PCDHA12: variants seen among roughly 807,000 people sequenced by gnomAD.
The protein encoded by PCDHA12 is protocadherin alpha 12.
PCDHA12 carries 44 observed loss-of-function variants against 60.0 expected under a neutral mutation model. The ratio of observed to expected loss-of-function variants is 0.73; its 90% confidence interval spans 0.58 to 0.94. PCDHA12 has a LOEUF of 0.94. Ranked by LOEUF, PCDHA12 falls within the 40% of genes least tolerant of loss-of-function variation. PCDHA12 has a pLI of 0.00. For missense variants in PCDHA12, 1,276 were observed against 1,239.7 expected, an observed-to-expected ratio of 1.03 and a Z score of -0.44; for synonymous variants, 569 against 553.0, an observed-to-expected ratio of 1.03 and a Z score of -0.40.
intron 1 of PCDHA12, among the ~76,000 whole-genome samples, chr5:140,905,536 T>A (rs1562950103): frequency 6.6e-6 from 1 of 152,286 alleles, no homozygotes; most frequent in East Asian, 1.9e-4. Flanking sequence ...TGGTTCCATA[T>A]GAACTTTAGG....
At chr5:140,953,258 T>C (rs1042358653) in intron 1 of PCDHA12, among the ~76,000 whole-genome samples, 22 of 152,304 alleles carry the variant, frequency 1.4e-4, no homozygotes, top group African/African-American at 5.3e-4. Context: ...TTAGTTCTTT[T>C]AGCTTTAGCC....
At chr5:140,940,245 T>A (rs1262681154) in intron 1 of PCDHA12, among the ~76,000 whole-genome samples, 1 of 152,210 alleles carries the variant, frequency 6.6e-6, no homozygotes, top group Non-Finnish European at 1.5e-5. Flanking sequence ...TAAAGTTACC[T>A]CCTCAATATC....
At chr5:140,950,706 G>A (rs72802969) in intron 1 of PCDHA12, among the ~76,000 whole-genome samples, 841 of 152,058 alleles carry the variant, frequency 5.5e-3, no homozygotes, top group Middle Eastern at 0.017. Flanking sequence ...ACAAATTTTT[G>A]TTCCTTATAT....
At chr5:140,928,115 T>A (rs2084949063) in intron 1 of PCDHA12, 1 of 1,614,164 alleles carries the variant, frequency 6.2e-7, no homozygotes, top group East Asian at 2.2e-5. Flanking sequence ...CGGGAGCAGA[T>A]CAGTGAATAC....
intron 1 of PCDHA12, among the ~76,000 whole-genome samples, chr5:140,975,052 T>C (rs2096651440): frequency 6.6e-6 from 1 of 152,206 alleles, no homozygotes; most frequent in South Asian, 2.1e-4. Context: ...AGGAAGAATC[T>C]ACTATCGAGC....
At chr5:140,970,854 T>TG (rs1554232785) in intron 1 of PCDHA12, among the ~76,000 whole-genome samples, 1 of 152,148 alleles carries the variant, frequency 6.6e-6, no homozygotes, top group Non-Finnish European at 1.5e-5. Context: ...GCACAAAAGT[T>TG]CCATTCCTGA....
chr5:140,928,216 A>T, intron 1 of PCDHA12: 1 of 1,614,188 alleles, frequency 6.2e-7, no homozygotes, highest in Non-Finnish European at 8.5e-7. Context: ...GAATGACAAT[A>T]CACCAAACTT....
At chr5:140,913,610 A>C (rs1271705435) in intron 1 of PCDHA12, among the ~76,000 whole-genome samples, 2 of 151,906 alleles carry the variant, frequency 1.3e-5, no homozygotes, top group African/African-American at 4.8e-5. Flanking sequence ...TATTTTCTCT[A>C]CTAATTTTGG....
intron 1 of PCDHA12, among the ~76,000 whole-genome samples, chr5:140,879,906 T>C (rs993531346): frequency 6.6e-6 from 1 of 152,214 alleles, no homozygotes; most frequent in Admixed American, 6.5e-5. Context: ...TCTCTCTCTA[T>C]GTGTTGGTTT....
At chr5:140,928,137 C>T (rs537220203) in intron 1 of PCDHA12, 14 of 1,614,066 alleles carry the variant, frequency 8.7e-6, no homozygotes, top group Admixed American at 1.7e-5. Flanking sequence ...AAGTCCTGAT[C>T]ACGGCCTCAG....
At chr5:140,991,420 A>G (rs1413227137) in intron 3 of PCDHA12, among the ~76,000 whole-genome samples, 2 of 152,234 alleles carry the variant, frequency 1.3e-5, no homozygotes, top group Admixed American at 6.5e-5. Flanking sequence ...GCTATAACAA[A>G]TTAACCATAA....
At position 140,883,293 on chromosome 5, in the gene PCDHA12, A is replaced by G. The variant is rs1324977852; in HGVS notation, c.2367+5454A>G. On this transcript the variant is annotated intron_variant, in intron 1 of 3. Coordinates refer to ENST00000398631, the MANE Select transcript of PCDHA12 (RefSeq NM_018903.4). ...TGTACCCTTTTGGTGGAAGTACTAGATGTAAATGATAACGCCCCAGAGGTT... is the reference window on the plus strand; with the variant it reads ...TGTACCCTTTTGGTGGAAGTACTAGGTGTAAATGATAACGCCCCAGAGGTT... 2 of 1,614,102 alleles carry G rather than the reference A, an allele frequency of 1.2e-6. No homozygotes were observed. Among genetic ancestry groups the G allele is most frequent in the Non-Finnish European group, 1.7e-6 (2 of 1,180,026 alleles).
At chr5:140,982,391 G>T (rs539713475) in intron 2 of PCDHA12, 84 bp from the exon 3 acceptor site, 2 of 1,597,556 alleles carry the variant, frequency 1.3e-6, no homozygotes, top group South Asian at 1.1e-5. Flanking sequence ...TGGCTTCATA[G>T]TTGTAAGCAA....
At chr5:140,934,926 G>C (rs1054459840) in intron 1 of PCDHA12, among the ~76,000 whole-genome samples, 1 of 152,116 alleles carries the variant, frequency 6.6e-6, no homozygotes, top group African/African-American at 2.4e-5. Flanking sequence ...TTCACATAAA[G>C]TTACAAAACT....
At chr5:140,989,863 TTCTC>T (rs2097364159) in intron 3 of PCDHA12, among the ~76,000 whole-genome samples, 1 of 151,988 alleles carries the variant, frequency 6.6e-6, no homozygotes, top group Non-Finnish European at 1.5e-5. Flanking sequence ...AGAGGAATCT[TTCTC>T]TGCCTCAGCA....
In PCDHA12 at chr5:140,968,374, C is replaced by T. The variant is rs782537254; in HGVS notation, c.2368-10575C>T. On this transcript the variant is annotated intron_variant, in intron 1 of 3. Coordinates refer to ENST00000398631, the MANE Select transcript of PCDHA12 (RefSeq NM_018903.4). ...GTGGCAGCCTTTATGCTGTCAACTC[C>T]TTTGACTATGAGAAGTTTCGGGAGT... is the stretch of plus-strand genomic sequence containing the variant. 5.0e-6 allele frequency: 8 copies of T among 1,614,064 alleles called. No homozygotes were observed. The Admixed American group carries it at 1.0e-4, about 20-fold the overall frequency.
At chr5:140,933,651 C>G (rs2089301034) in intron 1 of PCDHA12, among the ~76,000 whole-genome samples, 1 of 151,824 alleles carries the variant, frequency 6.6e-6, no homozygotes, top group South Asian at 2.1e-4. Flanking sequence ...GTTGGAAATC[C>G]TGTCTCTCTC....
In PCDHA12 at chr5:140,928,350, T is replaced by C. The variant is rs144619371; in HGVS notation, c.2367+50511T>C. The C allele has an allele frequency of 1.3e-5, 21 of 1,614,098 alleles. No homozygotes were observed. The African/African-American group carries it at 2.1e-4, about 16-fold the overall frequency. On this transcript the variant is annotated intron_variant, in intron 1 of 3. Coordinates refer to ENST00000398631, the MANE Select transcript of PCDHA12 (RefSeq NM_018903.4). ...GCCTTGTCTCTTATGAGCTGTTGGA[T>C]GTTATCTCTGAAGGGCCATCAGCCT...
chr5:140,958,089 C>A (rs2095409002), intron 1 of PCDHA12, among the ~76,000 whole-genome samples: 1 of 151,872 alleles, frequency 6.6e-6, no homozygotes, highest in African/African-American at 2.4e-5. Context: ...TAAAGTTGTA[C>A]AATAGTGTGT....
Sources: allele counts gnomAD v4.1 joint callset (sites outside exome capture counted in the v4.1 genomes callset), GRCh38; gene constraint gnomAD v4.1.1; transcripts MANE v1.5; gene names NCBI Gene and HGNC (gene_info 2026-07-23, HGNC 2026-07-21).